The following CNTN6 variants were observed in gnomAD, a reference collection of about 807,000 sequenced individuals.
CNTN6 encodes the protein contactin 6.
In CNTN6, 137 loss-of-function variants were observed where a neutral mutation model predicts 122.8. The ratio of observed to expected loss-of-function variants is 1.12; its 90% confidence interval spans 0.97 to 1.29. The LOEUF (loss-of-function observed/expected upper bound fraction) is 1.29. Ranked by LOEUF, CNTN6 falls within the 50% of genes most tolerant of loss-of-function variation. The probability of loss-of-function intolerance (pLI) is 0.00; values close to 1 mark genes in which losing one functional copy is unlikely to be tolerated. For missense variants in CNTN6, 1,634 were observed against 1,223.4 expected (o/e 1.34, Z -5.01); for synonymous variants, 570 against 426.0 (o/e 1.34, Z -4.16).
intron 1 of CNTN6, among the ~76,000 whole-genome samples, chr3:1,106,382 T>G (rs2091222477): frequency 6.6e-6 from 1 of 152,128 alleles, no homozygotes; most frequent in Admixed American, 6.6e-5. Context: ...TTGATGTTAT[T>G]TGACTTTGGC....
At chr3:1,242,504 G>A (rs2094499334) in intron 4 of CNTN6, among the ~76,000 whole-genome samples, 1 of 152,210 alleles carries the variant, frequency 6.6e-6, no homozygotes, top group Non-Finnish European at 1.5e-5. Context: ...TAGCAGGCAA[G>A]TGATAACAGG....
At chr3:1,375,720 G>A (rs1481276200) in intron 16 of CNTN6, among the ~76,000 whole-genome samples, 1 of 151,910 alleles carries the variant, frequency 6.6e-6, no homozygotes, top group Non-Finnish European at 1.5e-5. Flanking sequence ...TAGAAAATAA[G>A]GTTTAGGTTC....
chr3:1,371,349 T>G lies in CNTN6; in HGVS notation c.1493-950T>G, dbSNP rs1708984699. 4.6e-5 allele frequency among the ~76,000 whole-genome samples: 7 copies of G among 152,224 alleles called. No individual in the cohort carries two copies. In the South Asian group the frequency reaches 1.4e-3, roughly 32 times the overall value. On this transcript the variant is annotated intron_variant, in intron 12 of 22. Coordinates refer to ENST00000446702, the MANE Select transcript of CNTN6 (RefSeq NM_001289080.2). ...TTTAAACTTCTTCATGTATAATTTT[T>G]TTTTTACAATAACTTGCCTAAAACC... is the stretch of plus-strand genomic sequence containing the variant.
chr3:1,370,784 G>A (rs2126134092), intron 12 of CNTN6, among the ~76,000 whole-genome samples: 1 of 152,168 alleles, frequency 6.6e-6, no homozygotes, highest in Admixed American at 6.5e-5. Context: ...GGAGGCGGAG[G>A]TTGCAATGAG....
chr3:1,291,205 G>A (rs75211268), intron 5 of CNTN6, among the ~76,000 whole-genome samples: 14,049 of 152,128 alleles, frequency 0.092, 784 homozygotes, highest in African/African-American at 0.16. Context: ...GCAGTTGCTG[G>A]CATGATGAAA....
At chr3:1,294,067 T>C (rs183795) in intron 5 of CNTN6, among the ~76,000 whole-genome samples, 51,533 of 151,974 alleles carry the variant, frequency 0.34, 9,805 homozygotes, top group African/African-American at 0.51. Flanking sequence ...CTTATAAAGT[T>C]ACACTTACAT....
intron 20 of CNTN6, among the ~76,000 whole-genome samples, chr3:1,395,668 G>T (rs1360004119): frequency 6.6e-6 from 1 of 152,064 alleles, no homozygotes; most frequent in Non-Finnish European, 1.5e-5. Flanking sequence ...AATCACATTT[G>T]CAAACTCCTT....
intron 4 of CNTN6, among the ~76,000 whole-genome samples, chr3:1,251,523 T>C (rs2125668363): frequency 6.6e-6 from 1 of 152,314 alleles, no homozygotes; most frequent in African/African-American, 2.4e-5. Context: ...ACTTTCCCCC[T>C]TATTTCATTC....
chr3:1,242,612 G>C (rs1215920315), intron 4 of CNTN6, among the ~76,000 whole-genome samples: 1 of 152,170 alleles, frequency 6.6e-6, no homozygotes, highest in Non-Finnish European at 1.5e-5. Context: ...CATGTGATCA[G>C]TTGCCAGGGA....
chr3:1,268,450 A>G (rs2094962294), intron 4 of CNTN6, among the ~76,000 whole-genome samples: 1 of 151,950 alleles, frequency 6.6e-6, no homozygotes, highest in Non-Finnish European at 1.5e-5. Context: ...TACTAAAAAT[A>G]TAAAAAATTA....
Position 1,212,252 on chromosome 3 carries a change from GT to G in CNTN6, c.56-8417del, listed in dbSNP as rs74499004. Among the ~76,000 whole-genome samples the G allele has an allele frequency of 4.9e-3, 578 of 118,372 alleles. 6 individuals are homozygous for G. Among genetic ancestry groups the G allele is most frequent in the Admixed American group, 0.025 (275 of 11,194 alleles). 77.7% of individuals were successfully genotyped at this position (118,372 alleles called of 152,430 possible). A position where few individuals can be genotyped will look rare whatever the true frequency, so the allele number is the denominator to read the frequency against. The stretch of plus-strand genomic sequence containing the variant: ...CTTGCCTTACTGCCAAATAAAACTT[GT>G]TTTTTTTTTTTTTTTTTGAGATAAG... On this transcript the variant is annotated intron_variant, in intron 2 of 22. Coordinates refer to ENST00000446702, the MANE Select transcript of CNTN6 (RefSeq NM_001289080.2).
At chr3:1,342,157 T>TCTC (rs756705375) in intron 11 of CNTN6, among the ~76,000 whole-genome samples, 5 of 151,962 alleles carry the variant, frequency 3.3e-5, no homozygotes, top group Non-Finnish European at 5.9e-5. Context: ...TGTGGTGGAG[T>TCTC]CTCCCTCTTT....
At chr3:1,268,544 T>G (rs568980962) in intron 4 of CNTN6, among the ~76,000 whole-genome samples, 1 of 145,656 alleles carries the variant, frequency 6.9e-6, no homozygotes, top group East Asian at 2.1e-4. Flanking sequence ...GAGGAGGAGC[T>G]TGCAGTGAGC....
At chr3:1,389,984 A>C (rs1693856014) in intron 20 of CNTN6, among the ~76,000 whole-genome samples, 1 of 151,110 alleles carries the variant, frequency 6.6e-6, no homozygotes. Context: ...ACCCACTGTC[A>C]ACATTAGACA....
chr3:1,143,106 A>G (rs2092650498), intron 1 of CNTN6, among the ~76,000 whole-genome samples: 1 of 151,724 alleles, frequency 6.6e-6, no homozygotes, highest in South Asian at 2.1e-4. Context: ...GATCTAAGCA[A>G]CCACACATTG....
intron 4 of CNTN6, among the ~76,000 whole-genome samples, chr3:1,241,983 T>A (rs1398235849): frequency 6.6e-6 from 1 of 152,228 alleles, no homozygotes; most frequent in Non-Finnish European, 1.5e-5. Flanking sequence ...GTGTAAGAAT[T>A]CCGACCATGC....
chr3:1,371,297 A>T (rs1708976415), intron 12 of CNTN6, among the ~76,000 whole-genome samples: 1 of 152,080 alleles, frequency 6.6e-6, no homozygotes, highest in Admixed American at 6.6e-5. Context: ...ATGGAGAAAT[A>T]GATTCTCCAT....
intron 4 of CNTN6, among the ~76,000 whole-genome samples, chr3:1,264,972 C>A (rs2094904139): frequency 6.7e-6 from 1 of 148,620 alleles, no homozygotes; most frequent in Non-Finnish European, 1.5e-5. Context: ...ATTTGTCATT[C>A]TGTTGCTGGC....
At chr3:1,208,441 A>G (rs903743149) in intron 2 of CNTN6, among the ~76,000 whole-genome samples, 1 of 152,074 alleles carries the variant, frequency 6.6e-6, no homozygotes, top group African/African-American at 2.4e-5. Context: ...TCTTTTACAC[A>G]TAGTTCAAAT....
Sources: allele counts gnomAD v4.1 joint callset (sites outside exome capture counted in the v4.1 genomes callset), GRCh38; gene constraint gnomAD v4.1.1; transcripts MANE v1.5; gene names NCBI Gene and HGNC (gene_info 2026-07-23, HGNC 2026-07-21).